Variants in FCHSD2 observed in about 807,000 individuals in gnomAD.
FCHSD2 encodes F-BAR and double SH3 domains protein 2.
Under a neutral mutation model 108.1 loss-of-function variants are expected in FCHSD2, and 38 were observed. That is an observed-to-expected ratio of 0.35 (90% CI 0.27 to 0.46). FCHSD2 has a LOEUF of 0.46. Among genes scored for constraint, FCHSD2 ranks in the 20% least tolerant of loss-of-function variants. The probability of loss-of-function intolerance (pLI) is 1.00; values close to 1 mark genes in which losing one functional copy is unlikely to be tolerated. For synonymous variants in FCHSD2, 279 were observed against 314.7 expected (o/e 0.89, Z 1.20); for missense variants, 751 against 897.8 (o/e 0.84, Z 2.09).
intron 8 of FCHSD2, among the ~76,000 whole-genome samples, chr11:72,928,853 C>T (rs958603757): frequency 6.6e-6 from 1 of 152,142 alleles, no homozygotes; most frequent in Non-Finnish European, 1.5e-5. Flanking sequence ...GGTATATCTC[C>T]TAATGCTATC....
chr11:73,038,328 T>C (rs1858548742), intron 3 of FCHSD2, among the ~76,000 whole-genome samples: 1 of 145,708 alleles, frequency 6.9e-6, no homozygotes, highest in Non-Finnish European at 1.5e-5. Context: ...GGTGACAGAG[T>C]AAGACCCTGT....
intron 12 of FCHSD2, among the ~76,000 whole-genome samples, chr11:72,881,993 A>G (rs1355412358): frequency 1.3e-5 from 2 of 151,858 alleles, no homozygotes; most frequent in African/African-American, 2.4e-5. Flanking sequence ...TACAAAAACA[A>G]AATTAGCTGG....
chr11:72,961,896 G>A (rs187414999), intron 8 of FCHSD2, among the ~76,000 whole-genome samples: 86 of 152,292 alleles, frequency 5.6e-4, no homozygotes, highest in Non-Finnish European at 1.1e-3. Flanking sequence ...AACTCGATGT[G>A]TAAATGCCAC....
At chr11:72,858,965 A>C (rs896632441) in intron 13 of FCHSD2, among the ~76,000 whole-genome samples, 2 of 152,210 alleles carry the variant, frequency 1.3e-5, no homozygotes, top group Non-Finnish European at 1.5e-5. Flanking sequence ...GGAAACAAAC[A>C]AACTCCTACA....
chr11:72,911,863 C>A (rs555813976), intron 9 of FCHSD2, among the ~76,000 whole-genome samples: 8 of 152,134 alleles, frequency 5.3e-5, no homozygotes, highest in African/African-American at 9.6e-5. Flanking sequence ...TTTTAAGAGA[C>A]CTTTCACTTC....
At chr11:73,065,660 C>T (rs1193762467) in intron 3 of FCHSD2, among the ~76,000 whole-genome samples, 1 of 152,196 alleles carries the variant, frequency 6.6e-6, no homozygotes, top group Non-Finnish European at 1.5e-5. Flanking sequence ...TCAGCAAAGT[C>T]TCAGGATCCA....
intron 8 of FCHSD2, among the ~76,000 whole-genome samples, chr11:72,958,534 C>T (rs1424270712): frequency 6.6e-6 from 1 of 152,094 alleles, no homozygotes; most frequent in Non-Finnish European, 1.5e-5. Context: ...CAAAACAAAA[C>T]AAAACAACAA....
chr11:73,092,467 T>G (rs1297163396), intron 2 of FCHSD2, among the ~76,000 whole-genome samples: 1 of 152,110 alleles, frequency 6.6e-6, no homozygotes. Context: ...GCATCTGCTT[T>G]AAGTATTGTG....
rs74790604 is a variant in FCHSD2 at position 72,984,951 on chromosome 11, A to C, written c.576+111T>G. Reference sequence around the variant, plus strand: ...AGTTCCTCCCTGAGTCAGTGACTTTAAAATGCTTCTCTAAGGTAGAAATAA... The same window carrying C: ...AGTTCCTCCCTGAGTCAGTGACTTTCAAATGCTTCTCTAAGGTAGAAATAA... On this transcript the variant is annotated intron_variant, in intron 7 of 19. Coordinates refer to ENST00000409418, the MANE Select transcript of FCHSD2 (RefSeq NM_014824.3). 1.1e-4 allele frequency: 61 copies of C among 550,154 alleles called. No homozygotes were observed. The East Asian group carries it at 2.4e-3, about 21-fold the overall frequency. 34.1% of individuals were successfully genotyped at this position (550,154 alleles called of 1,614,324 possible).
chr11:73,072,815 A>G (rs570007396), intron 3 of FCHSD2, among the ~76,000 whole-genome samples: 1 of 152,372 alleles, frequency 6.6e-6, no homozygotes, highest in East Asian at 1.9e-4. Context: ...TCACCAAAAA[A>G]GAACCCCCAC....
intron 2 of FCHSD2, among the ~76,000 whole-genome samples, chr11:73,088,515 G>A (rs1859877683): frequency 6.6e-6 from 1 of 151,678 alleles, no homozygotes; most frequent in Non-Finnish European, 1.5e-5. Context: ...GTTTTCTCTG[G>A]GTCATGGTAT....
At chr11:73,006,626 C>A (rs1857746536) in intron 4 of FCHSD2, among the ~76,000 whole-genome samples, 1 of 152,262 alleles carries the variant, frequency 6.6e-6, no homozygotes, top group Admixed American at 6.5e-5. Flanking sequence ...TCCCCCAACA[C>A]CTGTGCTCTG....
rs544552512 is a variant in FCHSD2, at chr11:72,838,538, C to G, written c.*253G>C. On this transcript the variant is annotated 3_prime_UTR_variant, in exon 20 of 20. Coordinates refer to ENST00000409418, the MANE Select transcript of FCHSD2 (RefSeq NM_014824.3). The stretch of plus-strand genomic sequence containing the variant: ...CACTGTTAGGCATGAGGGCTGCCCC[C>G]CTCTTTGCTCCTAGGGTCCGCTAGG... 1.1e-5 allele frequency: 6 copies of G among 533,302 alleles called. No individual in the cohort carries two copies. Among genetic ancestry groups the G allele is most frequent in the East Asian group, 9.7e-5 (3 of 30,944 alleles). The allele number at this position is 533,302 out of a possible 1,614,324, so 33.0% of individuals were successfully genotyped here. A position where few individuals can be genotyped will look rare whatever the true frequency, so the allele number is the denominator to read the frequency against.
intron 9 of FCHSD2, among the ~76,000 whole-genome samples, chr11:72,915,917 G>T (rs1414997856): frequency 6.6e-6 from 1 of 152,174 alleles, no homozygotes; most frequent in African/African-American, 2.4e-5. Flanking sequence ...TCCTTTGCAG[G>T]AACATGAATG....
intron 12 of FCHSD2, among the ~76,000 whole-genome samples, chr11:72,874,630 A>G (rs1292944590): frequency 6.6e-6 from 1 of 152,226 alleles, no homozygotes; most frequent in Non-Finnish European, 1.5e-5. Context: ...ACTACATTCT[A>G]TTTTCTCAAA....
At position 72,843,193 on chromosome 11, in the gene FCHSD2, C is replaced by G; in HGVS notation, c.1663G>C (p.Glu555Gln). The G allele has an allele frequency of 6.2e-7, 1 of 1,614,008 alleles. No individual in the cohort carries two copies. The highest frequency in any genetic ancestry group is 8.5e-7 in the Non-Finnish European group (1 of 1,179,886). ...AGGCTGCCTGAAACGAGTTCTGCTT[C>G]CGTGGAATTGCTGGACGTGTGTGAC... ...SRSHTSSNST[E>Q]AELVSGSLNG... The change falls in exon 16 of 20, where the codon GAA becomes CAA. Residue 555 changes from glutamate (E) to glutamine (Q), a missense_variant. Transcript: ENST00000409418.
At chr11:73,029,985 A>G (rs1858320689) in intron 3 of FCHSD2, among the ~76,000 whole-genome samples, 1 of 152,194 alleles carries the variant, frequency 6.6e-6, no homozygotes. Flanking sequence ...TGATGTCCAG[A>G]GTCACCACCT....
intron 5 of FCHSD2, among the ~76,000 whole-genome samples, chr11:72,999,353 T>C (rs1857580007): frequency 1.4e-5 from 2 of 139,472 alleles, no homozygotes; most frequent in African/African-American, 2.7e-5. Flanking sequence ...AGAGTCTCAC[T>C]CTGTCACCCA....
At chr11:73,048,868 C>G (rs1003125829) in intron 3 of FCHSD2, among the ~76,000 whole-genome samples, 1 of 152,164 alleles carries the variant, frequency 6.6e-6, no homozygotes, top group Non-Finnish European at 1.5e-5. Flanking sequence ...ATTCCCAGAA[C>G]AATTTCACTT....
Sources: gnomAD v4.1 joint callset for allele counts (sites outside exome capture counted in the v4.1 genomes callset) on GRCh38, gnomAD v4.1.1 for gene constraint, MANE v1.5 for transcripts, NCBI Gene and HGNC (gene_info 2026-07-23, HGNC 2026-07-21) for gene names.